The following PCDH11X variants were observed in gnomAD, a reference collection of about 807,000 sequenced individuals.
PCDH11X encodes protocadherin-11 X-linked.
PCDH11X carries 18 observed loss-of-function variants against 53.3 expected under a neutral mutation model. The ratio of observed to expected loss-of-function variants is 0.34; its 90% CI spans 0.23 to 0.50. The LOEUF (loss-of-function observed/expected upper bound fraction) is 0.50, where lower values mean the gene tolerates loss of function less well. PCDH11X is among the 20% of genes least tolerant of loss of function. The pLI, the probability that PCDH11X is intolerant of heterozygous loss-of-function variation, is 0.98. For missense variants in PCDH11X, 570 were observed against 1,032.4 expected (o/e 0.55, Z 6.14); for synonymous variants, 279 against 393.3 (o/e 0.71, Z 3.44).
intron 6 of PCDH11X, among the ~76,000 whole-genome samples, chrX:92,180,711 C>T (rs1340155575): frequency 9.0e-6 from 1 of 111,655 alleles, no homozygotes; most frequent in Non-Finnish European, 1.9e-5. Context: ...ATAAGTCTCA[C>T]AAGATCTGAT....
chrX:92,084,629 G>C (rs2063920767), intron 6 of PCDH11X, among the ~76,000 whole-genome samples: 1 of 109,874 alleles, frequency 9.1e-6, no homozygotes, highest in Non-Finnish European at 1.9e-5. Context: ...ATAATATTGA[G>C]AAAGATTTTA....
chrX:91,895,159 G>A (rs1940691605), intron 6 of PCDH11X, among the ~76,000 whole-genome samples: 1 of 111,439 alleles, frequency 9.0e-6, no homozygotes, highest in African/African-American at 3.3e-5. Context: ...TTACTCTGTG[G>A]TATACTTCAG....
At chrX:92,179,349 C>T (rs974218799) in intron 6 of PCDH11X, among the ~76,000 whole-genome samples, 2 of 112,150 alleles carry the variant, frequency 1.8e-5, no homozygotes, top group African/African-American at 6.5e-5. Context: ...AGTTGCCCCT[C>T]TTTTCAAAAG....
chrX:91,883,604 G>A (rs1940033854), intron 6 of PCDH11X: 1 of 609,026 alleles, frequency 1.6e-6, no homozygotes, highest in Non-Finnish European at 2.0e-6. Flanking sequence ...AGGAGATTGA[G>A]ACCATCCTGG....
At chrX:92,284,877 C>A (rs1224609321) in intron 8 of PCDH11X, among the ~76,000 whole-genome samples, 1 of 111,525 alleles carries the variant, frequency 9.0e-6, no homozygotes, top group Non-Finnish European at 1.9e-5. Context: ...TATGGGACTG[C>A]ATTTTAAATT....
At chrX:92,435,925 C>T (rs1009333212) in intron 9 of PCDH11X, among the ~76,000 whole-genome samples, 1 of 108,871 alleles carries the variant, frequency 9.2e-6, no homozygotes, top group Non-Finnish European at 1.9e-5. Flanking sequence ...CAGGACCAAA[C>T]GCACACATAT....
Position 92,230,464 on chromosome X carries a change from ATATAT to A in PCDH11X, c.3114+29015_3114+29019del, listed in dbSNP as rs1381144569. ...TATATTTATATATAATTTATAAAAT[ATATAT>A]TATATATAATATATATAAAATACAT... is the stretch of plus-strand genomic sequence containing the variant. On this transcript the variant is annotated intron_variant, in intron 7 of 10. Transcript: ENST00000682573. Among the ~76,000 whole-genome samples the A allele has an allele frequency of 4.1e-3, 382 of 92,292 alleles. 7 individuals carry two copies. Among genetic ancestry groups the A allele is most frequent in the African/African-American group, 0.014 (366 of 25,539 alleles). 80.1% of individuals were successfully genotyped at this position (92,292 alleles called of 115,157 possible). A position where few individuals can be genotyped will look rare whatever the true frequency, so the allele number is the denominator to read the frequency against.
intron 6 of PCDH11X, among the ~76,000 whole-genome samples, chrX:92,133,626 A>G (rs954126600): frequency 8.9e-5 from 10 of 112,378 alleles, no homozygotes; most frequent in Non-Finnish European, 1.9e-4. Flanking sequence ...TCGGCCTCCC[A>G]AAGTGCTGTG....
At chrX:92,060,793 T>C (rs2063513311) in intron 6 of PCDH11X, among the ~76,000 whole-genome samples, 2 of 111,657 alleles carry the variant, frequency 1.8e-5, no homozygotes, top group Admixed American at 1.9e-4. Context: ...TGAACATACA[T>C]GTGCATGAGT....
At chrX:92,493,237 T>G (rs918339087) in intron 10 of PCDH11X, among the ~76,000 whole-genome samples, 1 of 111,246 alleles carries the variant, frequency 9.0e-6, no homozygotes, top group Non-Finnish European at 1.9e-5. Flanking sequence ...GTAATTTTTT[T>G]TTTAAATTGT....
At chrX:92,505,168 T>TTTTTTTTTTTTCTTTTTTTTTTG (rs2074032731) in intron 10 of PCDH11X, among the ~76,000 whole-genome samples, 1 of 50,836 alleles carries the variant, frequency 2.0e-5, no homozygotes, top group Non-Finnish European at 4.7e-5. Flanking sequence ...TTTTTTTTTG[T>TTTTTTTTTTTTCTTTTTTTTTTG]TTTTTTTTGC....
intron 10 of PCDH11X, among the ~76,000 whole-genome samples, chrX:92,587,904 TC>T (rs1455595996): frequency 1.8e-5 from 2 of 111,255 alleles, no homozygotes; most frequent in African/African-American, 3.3e-5. Context: ...GATAAAATGA[TC>T]AACTATATGA....
chrX:91,964,145 A>G (rs2061831762), intron 6 of PCDH11X, among the ~76,000 whole-genome samples: 1 of 101,702 alleles, frequency 9.8e-6, no homozygotes, highest in Non-Finnish European at 1.9e-5. Context: ...ACTATAATGC[A>G]TCAGTGAAAG....
intron 8 of PCDH11X, among the ~76,000 whole-genome samples, chrX:92,263,965 G>C (rs955012995): frequency 8.9e-6 from 1 of 112,032 alleles, no homozygotes; most frequent in Admixed American, 9.5e-5. Flanking sequence ...TCTGACAGAA[G>C]ACGTTTTGAA....
chrX:92,294,488 T>C (rs16987723), intron 8 of PCDH11X, among the ~76,000 whole-genome samples: 1,401 of 112,556 alleles, frequency 0.012, 21 homozygotes, highest in African/African-American at 0.043. Context: ...TATCCTGGCA[T>C]AAATTCTAGC....
At chrX:92,306,378 A>C (rs910051939) in intron 8 of PCDH11X, among the ~76,000 whole-genome samples, 1 of 107,222 alleles carries the variant, frequency 9.3e-6, no homozygotes, top group Non-Finnish European at 1.9e-5. Context: ...AGAAATAATA[A>C]AGACTAGAGC....
intron 9 of PCDH11X, among the ~76,000 whole-genome samples, chrX:92,413,747 T>C (rs2071742918): frequency 1.8e-5 from 2 of 109,151 alleles, no homozygotes; most frequent in South Asian, 8.2e-4. Context: ...GAATAAGACA[T>C]GGATTTGTGC....
intron 8 of PCDH11X, among the ~76,000 whole-genome samples, chrX:92,353,161 G>A (rs1327340542): frequency 5.4e-5 from 6 of 111,334 alleles, no homozygotes; most frequent in African/African-American, 2.0e-4. Flanking sequence ...TTTCACCCAC[G>A]TAACTCATTA....
intron 6 of PCDH11X, among the ~76,000 whole-genome samples, chrX:91,970,432 T>C (rs1336483274): frequency 2.7e-5 from 3 of 111,053 alleles, no homozygotes; most frequent in African/African-American, 9.8e-5. Flanking sequence ...TTTAGCTAGA[T>C]AGAAAAGTTC....
Sources: allele counts gnomAD v4.1 joint callset (sites outside exome capture counted in the v4.1 genomes callset), GRCh38; gene constraint gnomAD v4.1.1; transcripts MANE v1.5; gene names NCBI Gene and HGNC (gene_info 2026-07-23, HGNC 2026-07-21).